PRKG1: variants seen among roughly 807,000 people sequenced by gnomAD.
PRKG1 encodes the protein protein kinase cGMP-dependent 1.
In PRKG1, 35 loss-of-function variants were observed where a neutral mutation model predicts 88.1. That is an observed-to-expected ratio of 0.40 (90% CI 0.30 to 0.53). The LOEUF (loss-of-function observed/expected upper bound fraction) is 0.53, where lower values mean the gene tolerates loss of function less well. PRKG1 is among the 20% of genes least tolerant of loss of function. The probability of loss-of-function intolerance (pLI) is 0.59; values close to 1 mark genes in which losing one functional copy is unlikely to be tolerated. For synonymous variants in PRKG1, 303 were observed against 292.5 expected (o/e 1.04, Z -0.37); for missense variants, 540 against 839.8 (o/e 0.64, Z 4.41).
chr10:51,794,554 A>G (rs1439394212), intron 3 of PRKG1, among the ~76,000 whole-genome samples: 1 of 152,114 alleles, frequency 6.6e-6, no homozygotes, highest in African/African-American at 2.4e-5. Flanking sequence ...GTAGTTATTA[A>G]TATATTGTAT....
At chr10:51,723,348 C>G (rs1842058333) in intron 3 of PRKG1, among the ~76,000 whole-genome samples, 1 of 152,176 alleles carries the variant, frequency 6.6e-6, no homozygotes, top group Admixed American at 6.5e-5. Context: ...TGGAAACCAT[C>G]ATTCTCAGCA....
intron 2 of PRKG1, among the ~76,000 whole-genome samples, chr10:51,423,942 A>G (rs1036595027): frequency 1.3e-5 from 2 of 152,152 alleles, no homozygotes; most frequent in African/African-American, 4.8e-5. Context: ...TATGTTTGCT[A>G]CATTTGGAGC....
chr10:52,098,436 C>G (rs1195379846), intron 7 of PRKG1, among the ~76,000 whole-genome samples: 1 of 152,102 alleles, frequency 6.6e-6, no homozygotes, highest in Non-Finnish European at 1.5e-5. Flanking sequence ...TTACATTTCT[C>G]TAATGTATAT....
intron 2 of PRKG1, among the ~76,000 whole-genome samples, chr10:51,467,187 T>C (rs1839927120): frequency 6.6e-6 from 1 of 152,134 alleles, no homozygotes; most frequent in Admixed American, 6.5e-5. Context: ...TGTTTTTTCC[T>C]ACAGTTAACA....
At chr10:51,343,436 C>T (rs1842045822) in intron 2 of PRKG1, among the ~76,000 whole-genome samples, 1 of 151,996 alleles carries the variant, frequency 6.6e-6, no homozygotes, top group African/African-American at 2.4e-5. Context: ...GTTTTGACTG[C>T]CCAATGTATA....
intron 3 of PRKG1, among the ~76,000 whole-genome samples, chr10:51,500,639 C>T (rs1840997053): frequency 6.6e-6 from 1 of 152,176 alleles, no homozygotes. Context: ...CCCACCCTAT[C>T]TCCCTGGGGG....
rs772308214 is a variant in PRKG1, at chr10:51,698,574, G to A, written c.593-106011G>A. 7 of 1,613,828 alleles carry A rather than the reference G, an allele frequency of 4.3e-6. No homozygotes were observed. The African/African-American group carries it at 9.3e-5, about 22-fold the overall frequency. On this transcript the variant is annotated intron_variant, in intron 3 of 17. Coordinates refer to ENST00000373980, the MANE Select transcript of PRKG1 (RefSeq NM_006258.4). ...GGAGCATCTCCTAACAGTCCTCGAG[G>A]AGGCAGACCACCAGGAGTCACGGGT...
At chr10:52,185,642 C>T (rs1370528136) in intron 9 of PRKG1, among the ~76,000 whole-genome samples, 2 of 152,174 alleles carry the variant, frequency 1.3e-5, no homozygotes, top group African/African-American at 4.8e-5. Flanking sequence ...TAGAAGTTAT[C>T]TGTGAGGGCT....
At chr10:52,123,625 T>C (rs2132616133) in intron 7 of PRKG1, among the ~76,000 whole-genome samples, 2 of 152,294 alleles carry the variant, frequency 1.3e-5, no homozygotes, top group East Asian at 1.9e-4. Flanking sequence ...GAAATTGTTC[T>C]GTAATATATG....
At chr10:51,536,830 G>C (rs1842167296) in intron 3 of PRKG1, among the ~76,000 whole-genome samples, 1 of 125,302 alleles carries the variant, frequency 8.0e-6, no homozygotes, top group African/African-American at 3.2e-5. Flanking sequence ...TCCCCAGAAT[G>C]TGATGTTCCC....
intron 2 of PRKG1, among the ~76,000 whole-genome samples, chr10:51,389,698 A>C (rs1331782538): frequency 1.3e-5 from 2 of 152,186 alleles, no homozygotes; most frequent in African/African-American, 4.8e-5. Flanking sequence ...TTTTCCATAT[A>C]TAGAGAAATA....
Position 51,223,515 on chromosome 10 carries a change from T to G in PRKG1, c.478+70185T>G, listed in dbSNP as rs538400266. Among the ~76,000 whole-genome samples, 146 of 152,318 alleles carry G rather than the reference T, an allele frequency of 9.6e-4. 2 individuals are homozygous for G. Among genetic ancestry groups the G allele is most frequent in the African/African-American group, 3.2e-3 (135 of 41,588 alleles). The stretch of plus-strand genomic sequence containing the variant: ...ATACACACATACACGAGTGAATATC[T>G]ATATAAATGTATTCTCTATAGGATT... On this transcript the variant is annotated intron_variant, in intron 2 of 17. Transcript: ENST00000373980.
chr10:51,312,793 C>T (rs1040233123), intron 2 of PRKG1, among the ~76,000 whole-genome samples: 2 of 151,736 alleles, frequency 1.3e-5, no homozygotes, highest in African/African-American at 4.8e-5. Flanking sequence ...TTCCAGTCCC[C>T]AAGTAGTGGG....
chr10:51,759,974 A>C (rs559467850), intron 3 of PRKG1, among the ~76,000 whole-genome samples: 1 of 152,334 alleles, frequency 6.6e-6, no homozygotes, highest in East Asian at 1.9e-4. Context: ...CTCAATATAT[A>C]AAATTGATAA....
At chr10:52,267,731 T>C (rs1433164458) in intron 10 of PRKG1, among the ~76,000 whole-genome samples, 1 of 152,054 alleles carries the variant, frequency 6.6e-6, no homozygotes, top group Non-Finnish European at 1.5e-5. Flanking sequence ...GTAATCAGTA[T>C]CTTTTATTCA....
chr10:51,885,033 A>T (rs1841534772), intron 4 of PRKG1, among the ~76,000 whole-genome samples: 1 of 152,134 alleles, frequency 6.6e-6, no homozygotes, highest in African/African-American at 2.4e-5. Context: ...AGAATCCTTC[A>T]CTTTCTTTCA....
intron 3 of PRKG1, among the ~76,000 whole-genome samples, chr10:51,733,194 C>T (rs12262439): frequency 0.059 from 8,926 of 152,206 alleles, 847 homozygotes; most frequent in African/African-American, 0.2. Flanking sequence ...TTCCATCACA[C>T]TGGGATTTAG....
chr10:52,072,158 C>CTTTTTTTTTTTTTTTTTTTTTT (rs60576406), intron 7 of PRKG1, among the ~76,000 whole-genome samples: 11 of 39,554 alleles, frequency 2.8e-4, no homozygotes, highest in Non-Finnish European at 3.7e-4. Flanking sequence ...TATTGTTTTG[C>CTTTTTTTTTTTTTTTTTTTTTT]TTTTTTTTTT....
intron 3 of PRKG1, among the ~76,000 whole-genome samples, chr10:51,702,334 A>G (rs1284573632): frequency 6.6e-6 from 1 of 152,200 alleles, no homozygotes; most frequent in Non-Finnish European, 1.5e-5. Flanking sequence ...ATGTAATTCC[A>G]TGCCCAGAAC....
Sources: allele counts gnomAD v4.1 joint callset (sites outside exome capture counted in the v4.1 genomes callset), GRCh38; gene constraint gnomAD v4.1.1; transcripts MANE v1.5; gene names NCBI Gene and HGNC (gene_info 2026-07-23, HGNC 2026-07-21).